ALK: variants seen among roughly 807,000 people sequenced by gnomAD.
The protein encoded by ALK is ALK tyrosine kinase receptor.
A neutral mutation model predicts 163.1 loss-of-function variants in ALK; 74 were observed. That is an observed-to-expected ratio of 0.45 (90% CI 0.38 to 0.55). ALK has a LOEUF of 0.55. ALK is among the 20% of genes least tolerant of loss of function. The pLI is 0.00. For synonymous variants in ALK, 960 were observed against 843.2 expected (o/e 1.14, Z -2.40); for missense variants, 2,063 against 2,105.3 (o/e 0.98, Z 0.39).
At chr2:29,790,868 G>A (rs548442496) in intron 1 of ALK, among the ~76,000 whole-genome samples, 1 of 152,262 alleles carries the variant, frequency 6.6e-6, no homozygotes, top group African/African-American at 2.4e-5. Context: ...AGAGGTGTGA[G>A]TCACCTCACC....
chr2:29,904,695 G>A (rs1572487501), intron 1 of ALK, among the ~76,000 whole-genome samples: 1 of 152,152 alleles, frequency 6.6e-6, no homozygotes, highest in South Asian at 2.1e-4. Flanking sequence ...TTTCATATTA[G>A]CTTAAGAATG....
intron 3 of ALK, among the ~76,000 whole-genome samples, chr2:29,624,744 T>C (rs1676144369): frequency 6.6e-6 from 1 of 152,170 alleles, no homozygotes; most frequent in African/African-American, 2.4e-5. Flanking sequence ...TCCCCTGAAC[T>C]TAAAATAAAA....
chr2:29,699,933 G>A (rs1409553540), intron 2 of ALK, among the ~76,000 whole-genome samples: 5 of 152,220 alleles, frequency 3.3e-5, no homozygotes. Context: ...GGATGGTTCT[G>A]GGCTTGGTCC....
chr2:29,213,348 T>A (rs752352906), intron 24 of ALK, among the ~76,000 whole-genome samples: 1 of 152,242 alleles, frequency 6.6e-6, no homozygotes, highest in Non-Finnish European at 1.5e-5. Flanking sequence ...ATGAAAATCA[T>A]CTTTATGCTT....
In ALK at chr2:29,626,626, T is replaced by G. The variant is rs577379778; in HGVS notation, c.952+68224A>C. 1.4e-4 allele frequency among the ~76,000 whole-genome samples: 22 copies of G among 152,192 alleles called. No homozygotes were observed. The South Asian group carries it at 2.5e-3, about 17-fold the overall frequency. ...ATTTGCGTCCTGTAATAAGAGGAAG[T>G]GATCAGAACTGGCACTCTCCCCTCC... On this transcript the variant is annotated intron_variant, in intron 3 of 28. Transcript: ENST00000389048.
At chr2:29,851,994 A>G (rs535249383) in intron 1 of ALK, among the ~76,000 whole-genome samples, 4 of 152,336 alleles carry the variant, frequency 2.6e-5, no homozygotes, top group Admixed American at 1.3e-4. Context: ...ATGTGCAGCC[A>G]AAGAAAAGTT....
At chr2:29,623,275 A>G (rs1322386553) in intron 3 of ALK, among the ~76,000 whole-genome samples, 1 of 152,252 alleles carries the variant, frequency 6.6e-6, no homozygotes, top group African/African-American at 2.4e-5. Context: ...TAGCAGTGTT[A>G]CTTAAAATAG....
At chr2:29,252,215 T>C (rs1573161941) in intron 11 of ALK, among the ~76,000 whole-genome samples, 1 of 145,672 alleles carries the variant, frequency 6.9e-6, no homozygotes, top group East Asian at 2.2e-4. Flanking sequence ...CTTTCTATCT[T>C]TGAGCCAGAC....
At chr2:29,459,470 TC>T (rs1671034452) in intron 4 of ALK, among the ~76,000 whole-genome samples, 1 of 152,096 alleles carries the variant, frequency 6.6e-6, no homozygotes, top group African/African-American at 2.4e-5. Context: ...GGAACATAAG[TC>T]CCTATCTAAT....
intron 4 of ALK, among the ~76,000 whole-genome samples, chr2:29,440,609 G>C (rs1234845148): frequency 1.3e-5 from 2 of 152,176 alleles, no homozygotes; most frequent in Non-Finnish European, 1.5e-5. Context: ...AAGCCACAGT[G>C]CCTGGCTGAT....
intron 5 of ALK, among the ~76,000 whole-genome samples, chr2:29,341,467 C>T (rs1667789117): frequency 6.6e-6 from 1 of 152,222 alleles, no homozygotes; most frequent in South Asian, 2.1e-4. Flanking sequence ...AAGGGCTTCC[C>T]AGCTGGGCCC....
intron 1 of ALK, among the ~76,000 whole-genome samples, chr2:29,731,128 C>T (rs1230736667): frequency 6.6e-6 from 1 of 152,008 alleles, no homozygotes; most frequent in Non-Finnish European, 1.5e-5. Context: ...AAGAGGCTTC[C>T]CTAAAGAAAA....
rs181372570 is a variant in ALK, at chr2:29,844,087, T to A, written c.667+75906A>T. Among the ~76,000 whole-genome samples, 9 of 152,326 alleles carry A rather than the reference T, an allele frequency of 5.9e-5. No individual in the cohort carries two copies. The East Asian group carries it at 1.7e-3, about 29-fold the overall frequency. ...GGCATAGAATGGATGATCTGTTGTA[T>A]AAGTTCTGGAAAAGGAGGTGAAGGA... On this transcript the variant is annotated intron_variant, in intron 1 of 28. Coordinates refer to ENST00000389048, the MANE Select transcript of ALK (RefSeq NM_004304.5).
intron 3 of ALK, among the ~76,000 whole-genome samples, chr2:29,672,338 C>A: frequency 6.6e-6 from 1 of 150,568 alleles, no homozygotes; most frequent in East Asian, 2.0e-4. Flanking sequence ...CCCCCCACCC[C>A]ACAACAGTCC....
chr2:29,478,992 G>T (rs147954293), intron 4 of ALK, among the ~76,000 whole-genome samples: 1 of 152,172 alleles, frequency 6.6e-6, no homozygotes, highest in Non-Finnish European at 1.5e-5. Context: ...AGTGAATGCC[G>T]TCTAATGAAG....
intron 3 of ALK, among the ~76,000 whole-genome samples, chr2:29,644,870 A>C (rs1156651478): frequency 4.6e-5 from 7 of 152,190 alleles, no homozygotes; most frequent in Admixed American, 4.6e-4. Flanking sequence ...AATTATAATG[A>C]TCCTGACTTG....
intron 4 of ALK, among the ~76,000 whole-genome samples, chr2:29,474,738 C>G (rs1035560090): frequency 3.9e-5 from 6 of 152,072 alleles, no homozygotes; most frequent in African/African-American, 1.4e-4. Flanking sequence ...GAAACGTATT[C>G]GTGAATTAAT....
At chr2:29,274,384 G>A (rs1665473310) in intron 11 of ALK, among the ~76,000 whole-genome samples, 1 of 152,252 alleles carries the variant, frequency 6.6e-6, no homozygotes. Context: ...GCTATACATA[G>A]CAGAAGACAC....
chr2:29,481,142 T>C (rs535895564), intron 4 of ALK, among the ~76,000 whole-genome samples: 1 of 152,330 alleles, frequency 6.6e-6, no homozygotes, highest in East Asian at 1.9e-4. Flanking sequence ...CAAGGGAGTT[T>C]CAGTCATTCA....
Sources: allele counts gnomAD v4.1 joint callset (sites outside exome capture counted in the v4.1 genomes callset), GRCh38; gene constraint gnomAD v4.1.1; transcripts MANE v1.5; gene names NCBI Gene and HGNC (gene_info 2026-07-23, HGNC 2026-07-21).